MAD1L1: variants seen among roughly 807,000 people sequenced by gnomAD.
The protein encoded by MAD1L1 is mitotic arrest deficient 1 like 1, also known as mitotic spindle assembly checkpoint protein MAD1.
In MAD1L1, 95 loss-of-function variants were observed where a neutral mutation model predicts 96.9. The observed-to-expected ratio is 0.98, with a 90% CI of 0.83 to 1.16. The LOEUF (loss-of-function observed/expected upper bound fraction) is 1.16, where lower values mean the gene tolerates loss of function less well. MAD1L1 is among the 50% of genes most tolerant of loss of function. The pLI, the probability that MAD1L1 is intolerant of heterozygous loss-of-function variation, is 0.00. For synonymous variants in MAD1L1, 473 were observed against 396.6 expected, an observed-to-expected ratio of 1.19 and a Z score of -2.29; for missense variants, 1,007 against 954.4, an observed-to-expected ratio of 1.06 and a Z score of -0.73.
chr7:1,840,660 C>T (rs1783201936), intron 18 of MAD1L1, among the ~76,000 whole-genome samples: 1 of 152,228 alleles, frequency 6.6e-6, no homozygotes, highest in African/African-American at 2.4e-5. Flanking sequence ...GCCCGGGAGG[C>T]AGAGGTTGCA....
At chr7:2,148,856 C>A (rs1459643379) in intron 11 of MAD1L1, among the ~76,000 whole-genome samples, 1 of 152,168 alleles carries the variant, frequency 6.6e-6, no homozygotes, top group African/African-American at 2.4e-5. Context: ...AGACAAGAAC[C>A]CTCCTGATCC....
intron 11 of MAD1L1, among the ~76,000 whole-genome samples, chr7:2,076,186 G>A (rs79108447): frequency 0.048 from 7,356 of 152,300 alleles, 609 homozygotes; most frequent in African/African-American, 0.17. Context: ...CCGGGCCCAG[G>A]GCAAAACCAG....
At chr7:1,974,117 C>A (rs144719013) in intron 15 of MAD1L1, among the ~76,000 whole-genome samples, 2,025 of 152,306 alleles carry the variant, frequency 0.013, 39 homozygotes, top group African/African-American at 0.046. Context: ...GGTGCCCCAC[C>A]GCAAGAGGAG....
chr7:1,898,498 C>T (rs1299525701), intron 17 of MAD1L1, 108 bp from the exon 18 acceptor site: 2 of 887,216 alleles, frequency 2.3e-6, no homozygotes, highest in Non-Finnish European at 3.5e-6. Context: ...GGAGTGGCGG[C>T]TGCCCAGGGA....
chr7:1,973,743 G>A (rs1470729574), intron 15 of MAD1L1, among the ~76,000 whole-genome samples: 2 of 152,160 alleles, frequency 1.3e-5, no homozygotes, highest in East Asian at 3.9e-4. Context: ...GGGGGTTGAA[G>A]ACCCCCCTCC....
chr7:1,841,810 A>C (rs1389544484), intron 18 of MAD1L1, among the ~76,000 whole-genome samples: 1 of 152,118 alleles, frequency 6.6e-6, no homozygotes, highest in African/African-American at 2.4e-5. Flanking sequence ...GGAGACCCCC[A>C]ATCCTTCTGG....
chr7:1,828,627 G>C (rs967331747), intron 18 of MAD1L1, among the ~76,000 whole-genome samples: 1 of 152,184 alleles, frequency 6.6e-6, no homozygotes, highest in Non-Finnish European at 1.5e-5. Flanking sequence ...CCTAAACCGA[G>C]ACCCAGAGAA....
At chr7:2,161,185 TC>T (rs1790099454) in intron 10 of MAD1L1, among the ~76,000 whole-genome samples, 1 of 133,594 alleles carries the variant, frequency 7.5e-6, no homozygotes, top group Non-Finnish European at 1.6e-5. Flanking sequence ...TGCCGCCATC[TC>T]GACTCACTGC....
intron 18 of MAD1L1, among the ~76,000 whole-genome samples, chr7:1,839,239 T>C (rs1783103628): frequency 6.6e-6 from 1 of 152,172 alleles, no homozygotes; most frequent in Admixed American, 6.5e-5. Context: ...CTAGGTGGGC[T>C]TGCCCGGGGT....
chr7:2,065,725 G>A (rs573346960), intron 12 of MAD1L1, among the ~76,000 whole-genome samples: 1 of 152,324 alleles, frequency 6.6e-6, no homozygotes, highest in East Asian at 1.9e-4. Flanking sequence ...GCCACGACGT[G>A]AGTCCGACGC....
intron 10 of MAD1L1, among the ~76,000 whole-genome samples, chr7:2,167,218 G>A (rs1790473125): frequency 6.6e-6 from 1 of 152,216 alleles, no homozygotes; most frequent in Non-Finnish European, 1.5e-5. Flanking sequence ...TGACTTCAGA[G>A]ATAACAGGTG....
chr7:1,905,455 C>T (rs1482993497), intron 17 of MAD1L1, among the ~76,000 whole-genome samples: 8 of 146,072 alleles, frequency 5.5e-5, no homozygotes, highest in African/African-American at 1.3e-4. Flanking sequence ...GCAGCAAGCA[C>T]GCAGTGGCCT....
intron 12 of MAD1L1, among the ~76,000 whole-genome samples, chr7:2,024,085 T>C (rs896384162): frequency 2.7e-5 from 4 of 148,912 alleles, no homozygotes; most frequent in Admixed American, 2.7e-4. Flanking sequence ...AATTCATAAA[T>C]CTGTAGCCAG....
chr7:1,819,913 G>A (rs569405319), intron 18 of MAD1L1, among the ~76,000 whole-genome samples: 28 of 152,234 alleles, frequency 1.8e-4, no homozygotes, highest in Admixed American at 2.6e-4. Flanking sequence ...TGGGAAACTC[G>A]AGGGGAGGAA....
chr7:1,942,079 C>A (rs1779028227), intron 16 of MAD1L1, among the ~76,000 whole-genome samples: 1 of 152,168 alleles, frequency 6.6e-6, no homozygotes, highest in South Asian at 2.1e-4. Context: ...TTCCTGCCAT[C>A]CTTCCTTTCT....
intron 10 of MAD1L1, among the ~76,000 whole-genome samples, chr7:2,151,208 C>A (rs534362416): frequency 6.6e-6 from 1 of 152,314 alleles, no homozygotes; most frequent in South Asian, 2.1e-4. Context: ...ATCAAAGGGG[C>A]TTGTAAATTT....
In MAD1L1 at chr7:2,114,876, C is replaced by T. The variant is rs753894433; in HGVS notation, c.1073+34276G>A. ...AGGCCCACAGGTAGTTCTGGGATCT[C>T]GGTAAGAATCTGCTTTGCAAACACA... On this transcript the variant is annotated intron_variant, in intron 11 of 18. Transcript: ENST00000265854. The surrounding 1 kb of genome is among the most constrained non-coding windows in gnomAD (Gnocchi z 4.2). Among the ~76,000 whole-genome samples the T allele has an allele frequency of 1.3e-5, 2 of 152,300 alleles. No individual in the cohort carries two copies. The highest frequency in any genetic ancestry group is 2.9e-5 in the Non-Finnish European group (2 of 68,014).
intron 18 of MAD1L1, among the ~76,000 whole-genome samples, chr7:1,895,328 T>C (rs115046521): frequency 0.018 from 2,803 of 152,208 alleles, 77 homozygotes; most frequent in African/African-American, 0.063. Context: ...TGTACCTGCT[T>C]TACAGATGAG....
At chr7:1,952,701 T>G (rs1779555048) in intron 16 of MAD1L1, among the ~76,000 whole-genome samples, 1 of 152,144 alleles carries the variant, frequency 6.6e-6, no homozygotes, top group Admixed American at 6.5e-5. Context: ...CCAACCCCCT[T>G]GCCTCACAAA....
Sources: allele counts gnomAD v4.1 joint callset (sites outside exome capture counted in the v4.1 genomes callset), GRCh38; gene constraint gnomAD v4.1.1; non-coding constraint Gnocchi (gnomAD v3.1); transcripts MANE v1.5; gene names NCBI Gene and HGNC (gene_info 2026-07-23, HGNC 2026-07-21).